CACNA1D: variants seen among roughly 807,000 people sequenced by gnomAD.
CACNA1D encodes calcium voltage-gated channel subunit alpha1 D, also known as voltage-dependent L-type calcium channel subunit alpha-1D.
In CACNA1D, 55 loss-of-function variants were observed where a neutral mutation model predicts 257.1. That is an observed-to-expected ratio of 0.21 (90% CI 0.17 to 0.27). The LOEUF is 0.27. CACNA1D is among the 10% of genes least tolerant of loss of function. CACNA1D has a pLI of 1.00. For synonymous variants in CACNA1D, 980 were observed against 1,014.9 expected, an observed-to-expected ratio of 0.97 and a Z score of 0.65; for missense variants, 1,876 against 2,784.0, an observed-to-expected ratio of 0.67 and a Z score of 7.34.
At chr3:53,513,905 T>G (rs1392938067) in intron 3 of CACNA1D, among the ~76,000 whole-genome samples, 1 of 152,226 alleles carries the variant, frequency 6.6e-6, no homozygotes, top group Non-Finnish European at 1.5e-5. Flanking sequence ...GTTTGTGGCC[T>G]AGCAGCAACA....
At chr3:53,504,930 C>T (rs757223338) in intron 3 of CACNA1D, among the ~76,000 whole-genome samples, 6 of 151,936 alleles carry the variant, frequency 3.9e-5, no homozygotes, top group South Asian at 2.1e-4. Flanking sequence ...TTAAAAATGT[C>T]CAGAATGGAG....
intron 32 of CACNA1D, among the ~76,000 whole-genome samples, chr3:53,771,991 C>T (rs1195273190): frequency 1.3e-5 from 2 of 152,164 alleles, no homozygotes; most frequent in African/African-American, 4.8e-5. Flanking sequence ...CAAGCTCTCT[C>T]GGATAGTAGA....
chr3:53,628,453 G>A (rs2093784758), intron 3 of CACNA1D, among the ~76,000 whole-genome samples: 1 of 152,164 alleles, frequency 6.6e-6, no homozygotes, highest in African/African-American at 2.4e-5. Flanking sequence ...AATTCTAAAG[G>A]ATGAATGCCA....
At chr3:53,503,838 C>T (rs1159251273) in intron 3 of CACNA1D, among the ~76,000 whole-genome samples, 1 of 151,696 alleles carries the variant, frequency 6.6e-6, no homozygotes, top group Non-Finnish European at 1.5e-5. Context: ...ACGTATATTC[C>T]TTTGACCTCT....
intron 20 of CACNA1D, among the ~76,000 whole-genome samples, chr3:53,738,449 A>G (rs985051219): frequency 2.0e-5 from 3 of 152,198 alleles, no homozygotes; most frequent in Non-Finnish European, 4.4e-5. Flanking sequence ...GCCCCAATAG[A>G]AGAAAGACCT....
chr3:53,575,876 G>A (rs1216815659), intron 3 of CACNA1D, among the ~76,000 whole-genome samples: 1 of 152,248 alleles, frequency 6.6e-6, no homozygotes, highest in Non-Finnish European at 1.5e-5. Context: ...AAGTCACTAA[G>A]AGAATCCTCA....
At chr3:53,741,712 C>T (rs3774558) in intron 21 of CACNA1D, among the ~76,000 whole-genome samples, 42,052 of 151,916 alleles carry the variant, frequency 0.28, 7,615 homozygotes, top group Non-Finnish European at 0.4. Context: ...GGAGGGATGC[C>T]GCCAGAACAC....
intron 40 of CACNA1D, 34 bp downstream of exon 40, chr3:53,786,986 A>C (rs370194983): frequency 4.9e-5 from 79 of 1,611,172 alleles, no homozygotes; most frequent in Non-Finnish European, 6.7e-5. Flanking sequence ...TTCTCTTTTG[A>C]CTAACGATTT....
rs752652729 is a variant in CACNA1D, at chr3:53,800,428, T to G, written c.5040+63T>G. The G allele has an allele frequency of 4.5e-6, 5 of 1,121,210 alleles. No homozygotes were observed. In the African/African-American group the frequency reaches 6.1e-5, roughly 14 times the overall value. 69.5% of individuals were successfully genotyped at this position (1,121,210 alleles called of 1,614,324 possible). A position where few individuals can be genotyped will look rare whatever the true frequency, so the allele number is the denominator to read the frequency against. ...GAAATAGCAGGGCAGGACTCCAGTT[T>G]GGGCAGTTAATCATCCACAGAAGAG... is the stretch of plus-strand genomic sequence containing the variant. On this transcript the variant is annotated intron_variant, in intron 41 of 47. Coordinates refer to ENST00000350061, the MANE Select transcript of CACNA1D (RefSeq NM_001128840.3). This position sits in a 1 kb window ranked among gnomAD's most constrained non-coding sequence, Gnocchi z 4.3.
chr3:53,496,801 G>A (rs1336907336), intron 1 of CACNA1D, among the ~76,000 whole-genome samples: 1 of 152,142 alleles, frequency 6.6e-6, no homozygotes. Context: ...AGATAGATGG[G>A]TTTTACAAAT....
At chr3:53,622,221 A>G (rs948459273) in intron 3 of CACNA1D, among the ~76,000 whole-genome samples, 1 of 151,956 alleles carries the variant, frequency 6.6e-6, no homozygotes, top group African/African-American at 2.4e-5. Context: ...TAACTAATTT[A>G]TGTATTTTTA....
At chr3:53,783,583 G>A (rs149497131) in intron 39 of CACNA1D, among the ~76,000 whole-genome samples, 128 of 152,308 alleles carry the variant, frequency 8.4e-4, no homozygotes, top group Middle Eastern at 6.8e-3. Flanking sequence ...CTCCCTGCCT[G>A]TGTTGAGTGA....
At chr3:53,586,031 A>G (rs1015338221) in intron 3 of CACNA1D, among the ~76,000 whole-genome samples, 2 of 152,172 alleles carry the variant, frequency 1.3e-5, no homozygotes, top group Non-Finnish European at 2.9e-5. Context: ...AGATCCAAAT[A>G]TGGTTCAGGA....
Position 53,720,695 on chromosome 3 carries a change from A to G in CACNA1D, c.1505+914A>G, listed in dbSNP as rs549273797. Among the ~76,000 whole-genome samples the G allele has an allele frequency of 2.1e-4, 32 of 152,358 alleles. No individual in the cohort carries two copies. In the East Asian group the frequency reaches 4.8e-3, roughly 23 times the overall value. Reference sequence around the variant, plus strand: ...AAATGCACATTAAAATCACAGTTAGATACCACTACACATCTATTAGAGTGA... The same window carrying G: ...AAATGCACATTAAAATCACAGTTAGGTACCACTACACATCTATTAGAGTGA... On this transcript the variant is annotated intron_variant, in intron 11 of 47. Coordinates refer to ENST00000350061, the MANE Select transcript of CACNA1D (RefSeq NM_001128840.3).
chr3:53,643,690 G>A (rs900236678), intron 3 of CACNA1D, among the ~76,000 whole-genome samples: 4 of 152,206 alleles, frequency 2.6e-5, no homozygotes, highest in Non-Finnish European at 5.9e-5. Flanking sequence ...TTTCACACAT[G>A]AGAAACGAAG....
At chr3:53,637,082 A>C (rs2093893297) in intron 3 of CACNA1D, among the ~76,000 whole-genome samples, 1 of 151,846 alleles carries the variant, frequency 6.6e-6, no homozygotes, top group Admixed American at 6.6e-5. Context: ...TAAATATTTA[A>C]AGTTTCAGCT....
Position 53,495,318 on chromosome 3 carries a change from G to A in CACNA1D, c.67+85G>A. 1 of 1,548,912 alleles carries A rather than the reference G, an allele frequency of 6.5e-7. No homozygotes were observed. Among genetic ancestry groups the A allele is most frequent in the African/African-American group, 1.4e-5 (1 of 73,760 alleles). Reference sequence around the variant, plus strand: ...CCCCTCCCCCTTCCCCGCGGCGCTGGATGGGTTGAGGGGGTTGGAGAGGGT... The same window carrying A: ...CCCCTCCCCCTTCCCCGCGGCGCTGAATGGGTTGAGGGGGTTGGAGAGGGT... On this transcript the variant is annotated intron_variant, in intron 1 of 47. Transcript: ENST00000350061. This position sits in a 1 kb window ranked among gnomAD's most constrained non-coding sequence, Gnocchi z 5.1.
At chr3:53,803,329 C>G (rs1361287467) in intron 43 of CACNA1D, 94 bp from the exon 44 acceptor site, 1 of 1,444,630 alleles carries the variant, frequency 6.9e-7, no homozygotes, top group Admixed American at 1.7e-5. Context: ...CCAGGAGCAC[C>G]CGGGCAGGGT....
chr3:53,692,067 A>T (rs1020175377), intron 8 of CACNA1D, among the ~76,000 whole-genome samples: 3 of 149,348 alleles, frequency 2.0e-5, no homozygotes, highest in Admixed American at 6.9e-5. Context: ...CCAAAGTTGC[A>T]TGTCTTTGAT....
Sources: allele counts gnomAD v4.1 joint callset (sites outside exome capture counted in the v4.1 genomes callset), GRCh38; gene constraint gnomAD v4.1.1; non-coding constraint Gnocchi (gnomAD v3.1); transcripts MANE v1.5; gene names NCBI Gene and HGNC (gene_info 2026-07-23, HGNC 2026-07-21).